WWP2: variants seen among roughly 807,000 people sequenced by gnomAD.
WWP2 encodes WW domain containing E3 ubiquitin protein ligase 2, also known as NEDD4-like E3 ubiquitin-protein ligase WWP2.
WWP2 carries 57 observed loss-of-function variants against 121.0 expected under a neutral mutation model. The observed-to-expected ratio is 0.47, with a 90% CI of 0.38 to 0.59. The LOEUF (loss-of-function observed/expected upper bound fraction) is 0.59. Among genes scored for constraint, WWP2 ranks in the 20% least tolerant of loss-of-function variants. The pLI is 0.00. For missense variants in WWP2, 962 were observed against 1,158.9 expected, an observed-to-expected ratio of 0.83 and a Z score of 2.47; for synonymous variants, 449 against 441.3, an observed-to-expected ratio of 1.02 and a Z score of -0.22.
At chr16:69,765,221 GA>G (rs954293250) in intron 1 of WWP2, among the ~76,000 whole-genome samples, 18 of 151,066 alleles carry the variant, frequency 1.2e-4, no homozygotes, top group African/African-American at 3.9e-4. Context: ...AAAAGAAAAA[GA>G]AAAAAAGTTT....
intron 7 of WWP2, among the ~76,000 whole-genome samples, chr16:69,875,750 A>G (rs2057724141): frequency 6.6e-6 from 1 of 152,076 alleles, no homozygotes; most frequent in African/African-American, 2.4e-5. Context: ...ATTCAGGCCT[A>G]CTTCTTATTC....
chr16:69,815,607 G>C (rs1386650726), intron 4 of WWP2, among the ~76,000 whole-genome samples: 1 of 151,736 alleles, frequency 6.6e-6, no homozygotes, highest in Non-Finnish European at 1.5e-5. Context: ...CCAATGTGGT[G>C]AAACCCCCGT....
intron 2 of WWP2, among the ~76,000 whole-genome samples, chr16:69,792,513 A>T: frequency 6.6e-6 from 1 of 152,260 alleles, no homozygotes; most frequent in East Asian, 1.9e-4. Flanking sequence ...TCTTTATTTT[A>T]GCCTGTCTTT....
chr16:69,762,565 C>T (rs991329986), intron 1 of WWP2, among the ~76,000 whole-genome samples, 174 bp downstream of exon 1: 2 of 150,748 alleles, frequency 1.3e-5, no homozygotes, highest in African/African-American at 4.9e-5. Context: ...AGGGGTGTCC[C>T]GGCTCCCGCC....
chr16:69,939,786 C>A (rs2058853566), intron 23 of WWP2, 55 bp from the exon 24 acceptor site: 1 of 1,515,866 alleles, frequency 6.6e-7, no homozygotes, highest in Non-Finnish European at 9.0e-7. Flanking sequence ...CATGGTGGGG[C>A]TATCAGAGCC....
intron 10 of WWP2, among the ~76,000 whole-genome samples, chr16:69,921,988 C>T (rs1243584279): frequency 6.6e-6 from 1 of 150,966 alleles, no homozygotes; most frequent in Admixed American, 6.6e-5. Flanking sequence ...GCAGGAGAAT[C>T]GCTTGAACTC....
intron 4 of WWP2, among the ~76,000 whole-genome samples, chr16:69,817,916 T>C (rs1346954365): frequency 6.6e-6 from 1 of 151,826 alleles, no homozygotes; most frequent in Non-Finnish European, 1.5e-5. Flanking sequence ...TAAAGATACC[T>C]TTATGCTCCT....
chr16:69,812,207 C>T (rs538870235), intron 4 of WWP2, among the ~76,000 whole-genome samples: 1 of 142,468 alleles, frequency 7.0e-6, no homozygotes, highest in Admixed American at 7.2e-5. Flanking sequence ...CGTTCTGGCA[C>T]CCAGGCTGGA....
At chr16:69,917,144 G>C (rs960023618) in intron 9 of WWP2, among the ~76,000 whole-genome samples, 2 of 152,248 alleles carry the variant, frequency 1.3e-5, no homozygotes, top group African/African-American at 4.8e-5. Flanking sequence ...ATAAGGAAGG[G>C]AATGTATTGG....
In WWP2 at chr16:69,783,780, T is replaced by TACA. The variant is rs55923742; in HGVS notation, c.-15-3193_-15-3191dup. On this transcript the variant is annotated intron_variant, in intron 1 of 23. Coordinates refer to ENST00000359154, the MANE Select transcript of WWP2 (RefSeq NM_001270454.2). ...GGGCAACGTAGTGAGACCTTGTTTC[T>TACA]ACAACAACAACAACAACAACAACAA... Among the ~76,000 whole-genome samples the TACA allele has an allele frequency of 5.5e-3, 829 of 149,824 alleles. 10 individuals are homozygous for TACA. The highest frequency in any genetic ancestry group is 0.018 in the African/African-American group (746 of 40,524).
In WWP2 at chr16:69,883,853, G is replaced by C. The variant is rs562162856; in HGVS notation, c.704-4186G>C. Among the ~76,000 whole-genome samples the C allele has an allele frequency of 2.0e-5, 3 of 152,306 alleles. No homozygotes were observed. The South Asian group carries it at 6.2e-4, about 32-fold the overall frequency. The stretch of plus-strand genomic sequence containing the variant: ...GGGAACCTTCCTAACTAGATTTGCA[G>C]CTGCATAAACAGTCAGATCCGAGTA... On this transcript the variant is annotated intron_variant, in intron 7 of 23. Coordinates refer to ENST00000359154, the MANE Select transcript of WWP2 (RefSeq NM_001270454.2).
At position 69,888,027 on chromosome 16, in the gene WWP2, G is replaced by T; in HGVS notation, c.704-12G>T. The T allele has an allele frequency of 6.2e-7, 1 of 1,613,880 alleles. No individual in the cohort carries two copies. The highest frequency in any genetic ancestry group is 2.2e-5 in the East Asian group (1 of 44,872). On this transcript the variant is annotated splice_polypyrimidine_tract_variant and intron_variant, in intron 7 of 23. Transcript: ENST00000359154. ...TTAGTTGATCTTTAAAGTATGATTT[G>T]TGCATCTTCAGTGAATGATGAACCC...
At chr16:69,862,095 C>T (rs2057432194) in intron 6 of WWP2, among the ~76,000 whole-genome samples, 3 of 152,292 alleles carry the variant, frequency 2.0e-5, no homozygotes, top group South Asian at 2.1e-4. Flanking sequence ...GACAGACTTT[C>T]GCTCTTGTTG....
intron 4 of WWP2, among the ~76,000 whole-genome samples, chr16:69,837,564 G>A (rs993998600): frequency 6.6e-6 from 1 of 152,154 alleles, no homozygotes; most frequent in Non-Finnish European, 1.5e-5. Flanking sequence ...ATGGCAGTGT[G>A]ACTGTCACGG....
At chr16:69,860,784 T>A (rs895587354) in intron 6 of WWP2, among the ~76,000 whole-genome samples, 1 of 151,898 alleles carries the variant, frequency 6.6e-6, no homozygotes, top group Non-Finnish European at 1.5e-5. Flanking sequence ...GGAGGATTGC[T>A]TGAGGCCAGG....
At chr16:69,834,996 G>C (rs989144753) in intron 4 of WWP2, among the ~76,000 whole-genome samples, 8 of 152,194 alleles carry the variant, frequency 5.3e-5, no homozygotes, top group Non-Finnish European at 1.0e-4. Flanking sequence ...AGGTGCTCAA[G>C]GCACGGATGT....
chr16:69,788,411 A>T (rs983766343), intron 2 of WWP2, among the ~76,000 whole-genome samples: 10 of 152,112 alleles, frequency 6.6e-5, no homozygotes, highest in South Asian at 4.1e-4. Context: ...CGAAGCTCCC[A>T]TGTGATGTGA....
intron 8 of WWP2, among the ~76,000 whole-genome samples, chr16:69,904,576 G>T (rs2058258124): frequency 6.6e-6 from 1 of 152,030 alleles, no homozygotes; most frequent in Admixed American, 6.6e-5. Context: ...TTGCTATGTT[G>T]CCCAAGCTGG....
At chr16:69,798,219 A>G (rs1420283123) in intron 2 of WWP2, among the ~76,000 whole-genome samples, 1 of 152,212 alleles carries the variant, frequency 6.6e-6, no homozygotes, top group Non-Finnish European at 1.5e-5. Flanking sequence ...TTGGAGGAAT[A>G]CTCAAGAAAG....
Sources: allele counts gnomAD v4.1 joint callset (sites outside exome capture counted in the v4.1 genomes callset), GRCh38; gene constraint gnomAD v4.1.1; transcripts MANE v1.5; gene names NCBI Gene and HGNC (gene_info 2026-07-23, HGNC 2026-07-21).